Variants in SHB observed in about 807,000 individuals in gnomAD.
SHB encodes the protein SH2 domain containing adaptor protein B.
SHB carries 20 observed loss-of-function variants against 52.3 expected under a neutral mutation model. The ratio of observed to expected loss-of-function variants is 0.38; its 90% CI spans 0.27 to 0.56. The LOEUF (loss-of-function observed/expected upper bound fraction) is 0.56. Among genes scored for constraint, SHB ranks in the 20% least tolerant of loss-of-function variants. The pLI is 0.71. For synonymous variants in SHB, 397 were observed against 316.5 expected (o/e 1.25, Z -2.70); for missense variants, 825 against 723.3 (o/e 1.14, Z -1.61).
At chr9:38,022,250 C>T (rs747550780) in intron 1 of SHB, among the ~76,000 whole-genome samples, 2 of 152,162 alleles carry the variant, frequency 1.3e-5, no homozygotes, top group African/African-American at 2.4e-5. Context: ...TGAAGCAAGC[C>T]CCCCTGTCTA....
chr9:38,020,256 A>G (rs140367056), intron 1 of SHB, among the ~76,000 whole-genome samples: 11 of 152,370 alleles, frequency 7.2e-5, no homozygotes, highest in African/African-American at 2.4e-4. Context: ...TTGGTACAGT[A>G]GACAGAATGT....
intron 1 of SHB, among the ~76,000 whole-genome samples, chr9:38,017,227 A>G (rs2118080553): frequency 6.6e-6 from 1 of 152,354 alleles, no homozygotes; most frequent in African/African-American, 2.4e-5. Context: ...GGCAAAGACC[A>G]AGCCCTCAGC....
intron 3 of SHB, among the ~76,000 whole-genome samples, chr9:37,963,383 T>C (rs1832714821): frequency 6.6e-6 from 1 of 152,170 alleles, no homozygotes; most frequent in African/African-American, 2.4e-5. Context: ...TGTAGACTGC[T>C]TGCAAGGAGC....
intron 2 of SHB, among the ~76,000 whole-genome samples, chr9:38,000,671 G>A (rs1444334451): frequency 2.0e-5 from 3 of 152,250 alleles, no homozygotes; most frequent in Non-Finnish European, 4.4e-5. Context: ...GGCCTCCAAA[G>A]TCTTTGGGGG....
chr9:38,008,286 C>T (rs1245248315), intron 2 of SHB, among the ~76,000 whole-genome samples: 1 of 152,186 alleles, frequency 6.6e-6, no homozygotes, highest in Non-Finnish European at 1.5e-5. Flanking sequence ...GCCCGCTGGT[C>T]GCCATGGAAA....
chr9:38,025,380 G>C (rs2118100260), intron 1 of SHB, among the ~76,000 whole-genome samples: 1 of 152,276 alleles, frequency 6.6e-6, no homozygotes, highest in East Asian at 1.9e-4. Context: ...CTGCTCTAGG[G>C]GGTACGAGTG....
rs1822011547 is a variant in SHB at position 38,068,636 on chromosome 9, A to G, written c.10T>C (p.Trp4Arg). The G allele has an allele frequency of 3.4e-6, 5 of 1,456,396 alleles. No homozygotes were observed. The highest frequency in any genetic ancestry group is 4.5e-6 in the Non-Finnish European group (5 of 1,113,768). The allele number at this position is 1,456,396 out of a possible 1,614,324, so 90.2% of individuals were successfully genotyped here. Residue 4 changes from tryptophan to arginine, a missense_variant, in exon 1 of 6, where the codon TGG becomes CGG. Coordinates refer to ENST00000377707, the MANE Select transcript of SHB (RefSeq NM_003028.3). ...CCCAAGCTGAAGTACTTGTTTAGCC[A>G]CTTGGCCATGGCGAGAGGCCGCCTA... is the stretch of plus-strand genomic sequence containing the variant. MAK[W>R]LNKYFSLGNS...
Position 38,061,588 on chromosome 9 carries a change from G to A in SHB, c.717+6341C>T, listed in dbSNP as rs572741563. Reference sequence around the variant, plus strand: ...TGACTGATCAGAAGAAACCACAGCTGTTTCAGATTTGACTTTTAAAGCTAA... The same window carrying A: ...TGACTGATCAGAAGAAACCACAGCTATTTCAGATTTGACTTTTAAAGCTAA... On this transcript the variant is annotated intron_variant, in intron 1 of 5. Coordinates refer to ENST00000377707, the MANE Select transcript of SHB (RefSeq NM_003028.3). Among the ~76,000 whole-genome samples the A allele has an allele frequency of 2.2e-3, 335 of 152,324 alleles. 2 individuals are homozygous for A. The highest frequency in any genetic ancestry group is 7.2e-3 in the African/African-American group (299 of 41,570).
At chr9:37,953,597 G>C (rs903846939) in intron 4 of SHB, among the ~76,000 whole-genome samples, 1 of 152,102 alleles carries the variant, frequency 6.6e-6, no homozygotes, top group African/African-American at 2.4e-5. Flanking sequence ...CAGGTGGTAG[G>C]AGCACCTAGG....
chr9:38,037,240 G>A (rs1821500943), intron 1 of SHB, among the ~76,000 whole-genome samples: 1 of 152,188 alleles, frequency 6.6e-6, no homozygotes, highest in African/African-American at 2.4e-5. Context: ...CTTGTCTGTA[G>A]TCTGTGTAAA....
chr9:38,057,743 T>C (rs1229838284), intron 1 of SHB, among the ~76,000 whole-genome samples: 1 of 152,254 alleles, frequency 6.6e-6, no homozygotes, highest in South Asian at 2.1e-4. Flanking sequence ...TTTTAGAATT[T>C]AGCCGTGGCC....
intron 1 of SHB, among the ~76,000 whole-genome samples, chr9:38,022,731 G>A (rs1220649565): frequency 6.6e-6 from 1 of 152,210 alleles, no homozygotes; most frequent in African/African-American, 2.4e-5. Flanking sequence ...GTCTGGAGAG[G>A]GCTTCAAATA....
rs768101689 is a variant in SHB, at chr9:37,955,999, C to T, written c.1110G>A (p.Arg370=). 32 of 1,593,414 alleles carry T rather than the reference C, an allele frequency of 2.0e-5. No homozygotes were observed. In the African/African-American group the frequency reaches 2.9e-4, roughly 15 times the overall value. Residue 370 remains arginine, a synonymous_variant, in exon 4 of 6, where the codon CGG becomes CGA. Transcript: ENST00000377707. The part of the protein sequence containing the change: ...RQSSPSPSRD[R]RRQLRAPGGG... ...CTCCAGGGGCACGAAGCTGGCGCCGCCGGTCCCGCGAAGGTGAGGGGGATG... is the reference window on the plus strand; with the variant it reads ...CTCCAGGGGCACGAAGCTGGCGCCGTCGGTCCCGCGAAGGTGAGGGGGATG...
chr9:38,048,712 C>T (rs1211503704), intron 1 of SHB, among the ~76,000 whole-genome samples: 1 of 152,184 alleles, frequency 6.6e-6, no homozygotes, highest in Non-Finnish European at 1.5e-5. Flanking sequence ...AACGATATTG[C>T]AGTGGAGTTA....
chr9:37,974,658 A>G lies in SHB; in HGVS notation c.1018T>C (p.Trp340Arg). The stretch of plus-strand genomic sequence containing the variant: ...GGGATGGTGACCCGGTTCCACTCCC[A>G]AGGCTGGTCGTACTCATCGGCGGGC... Reference protein sequence around the residue: ...DRPADEYDQPWEWNRVTIPAL... With the variant: ...DRPADEYDQPREWNRVTIPAL... Residue 340 changes from tryptophan to arginine, a missense_variant, in exon 3 of 6, where the codon TGG becomes CGG. Transcript: ENST00000377707. 6.2e-7 allele frequency: 1 copy of G among 1,613,720 alleles called. No homozygotes were observed. Among genetic ancestry groups the G allele is most frequent in the Non-Finnish European group, 8.5e-7 (1 of 1,179,934 alleles).
intron 3 of SHB, among the ~76,000 whole-genome samples, chr9:37,968,919 G>A (rs577231999): frequency 6.6e-6 from 1 of 152,048 alleles, no homozygotes; most frequent in East Asian, 1.9e-4. Flanking sequence ...TATGGTATAC[G>A]GGCCCCTCTC....
intron 1 of SHB, 152 bp downstream of exon 1, chr9:38,067,777 G>T: frequency 1.2e-6 from 1 of 824,514 alleles, no homozygotes; most frequent in Non-Finnish European, 1.7e-6. Context: ...GGGCGCGGGA[G>T]GAGGCAGAAG....
At chr9:37,965,213 C>T (rs1197707714) in intron 3 of SHB, among the ~76,000 whole-genome samples, 2 of 152,160 alleles carry the variant, frequency 1.3e-5, no homozygotes, top group Non-Finnish European at 2.9e-5. Context: ...GAGTGGAGGT[C>T]GGGGGGACAA....
chr9:38,001,119 C>A (rs1198530276), intron 2 of SHB, among the ~76,000 whole-genome samples: 3 of 152,118 alleles, frequency 2.0e-5, no homozygotes, highest in Admixed American at 6.5e-5. Flanking sequence ...GTTTCAGAGA[C>A]CAAGTCAACT....
Sources: gnomAD v4.1 joint callset for allele counts (sites outside exome capture counted in the v4.1 genomes callset) on GRCh38, gnomAD v4.1.1 for gene constraint, MANE v1.5 for transcripts, NCBI Gene and HGNC (gene_info 2026-07-23, HGNC 2026-07-21) for gene names.